The following MARCHF1 variants were observed in gnomAD, a reference collection of about 807,000 sequenced individuals.
MARCHF1 encodes membrane associated ring-CH-type finger 1, also known as E3 ubiquitin-protein ligase MARCHF1.
Under a neutral mutation model 54.2 loss-of-function variants are expected in MARCHF1, and 40 were observed. That is an observed-to-expected ratio of 0.74 (90% CI 0.57 to 0.96). The LOEUF is 0.96. Among genes scored for constraint, MARCHF1 ranks in the 40% least tolerant of loss-of-function variants. The probability of loss-of-function intolerance (pLI) is 0.00; values close to 1 mark genes in which losing one functional copy is unlikely to be tolerated. For missense variants in MARCHF1, 586 were observed against 656.5 expected (o/e 0.89, Z 1.17); for synonymous variants, 236 against 236.3 (o/e 1.00, Z 0.01).
In MARCHF1 at chr4:163,703,357, T is replaced by G. The variant is rs563803539; in HGVS notation, c.112-2494A>C. On this transcript the variant is annotated intron_variant, in intron 4 of 9. Transcript: ENST00000514618. Reference sequence around the variant, plus strand: ...GGGGGATTAAGAAAATTGGTTTGCCTTGCTTTTGAAGCAAAGCACCAGAAA... The same window carrying G: ...GGGGGATTAAGAAAATTGGTTTGCCGTGCTTTTGAAGCAAAGCACCAGAAA... Among the ~76,000 whole-genome samples, 277 of 152,280 alleles carry G rather than the reference T, an allele frequency of 1.8e-3. 2 individuals carry two copies. Among genetic ancestry groups the G allele is most frequent in the African/African-American group, 6.3e-3 (263 of 41,570 alleles).
At chr4:163,727,134 C>G (rs1259351292) in intron 4 of MARCHF1, among the ~76,000 whole-genome samples, 1 of 152,102 alleles carries the variant, frequency 6.6e-6, no homozygotes. Context: ...TCTAGAAAGT[C>G]ATCACCAAAC....
intron 5 of MARCHF1, among the ~76,000 whole-genome samples, chr4:163,636,855 G>A (rs1388857275): frequency 6.6e-6 from 1 of 152,126 alleles, no homozygotes; most frequent in East Asian, 1.9e-4. Context: ...ATACTACAAG[G>A]CTACAGTAAC....
chr4:163,941,718 A>G (rs192341499), intron 3 of MARCHF1, among the ~76,000 whole-genome samples: 1 of 152,138 alleles, frequency 6.6e-6, no homozygotes. Context: ...TAAGTACCCA[A>G]GTTTTCTCAT....
rs563920258 is a variant in MARCHF1, at chr4:163,730,189, T to A, written c.112-29326A>T. On this transcript the variant is annotated intron_variant, in intron 4 of 9. Coordinates refer to ENST00000514618, the MANE Select transcript of MARCHF1 (RefSeq NM_001394959.1). ...AACTGCCTTTGAATCTCTCTAGTAA[T>A]TTTTTCGTTTTAGTTATTGTACTTT... 7.2e-5 allele frequency among the ~76,000 whole-genome samples: 11 copies of A among 152,268 alleles called. No individual in the cohort carries two copies. In the South Asian group the frequency reaches 2.1e-3, roughly 29 times the overall value.
chr4:164,049,599 C>A (rs905725478), intron 2 of MARCHF1, among the ~76,000 whole-genome samples: 37 of 152,254 alleles, frequency 2.4e-4, no homozygotes, highest in African/African-American at 8.7e-4. Flanking sequence ...TTATGACACC[C>A]TGAAAACATA....
At chr4:164,140,171 G>T (rs1459516719) in intron 1 of MARCHF1, among the ~76,000 whole-genome samples, 1 of 148,430 alleles carries the variant, frequency 6.7e-6, no homozygotes, top group African/African-American at 2.5e-5. Context: ...ACACACTCAT[G>T]CACACACACA....
intron 1 of MARCHF1, among the ~76,000 whole-genome samples, chr4:164,147,092 A>G (rs924903719): frequency 5.9e-5 from 9 of 152,190 alleles, no homozygotes; most frequent in Admixed American, 4.6e-4. Flanking sequence ...ATCACTGGCC[A>G]TCAGAGAAAT....
intron 3 of MARCHF1, among the ~76,000 whole-genome samples, chr4:163,963,316 C>T (rs1384870596): frequency 1.3e-5 from 2 of 151,802 alleles, no homozygotes; most frequent in African/African-American, 2.4e-5. Flanking sequence ...TTTATAACCT[C>T]CAAAAAATTC....
intron 1 of MARCHF1, among the ~76,000 whole-genome samples, chr4:164,272,843 T>C (rs1469710798): frequency 6.6e-6 from 1 of 151,818 alleles, no homozygotes; most frequent in Non-Finnish European, 1.5e-5. Context: ...AAGTAGAAAA[T>C]GATAAATAAC....
chr4:163,701,827 G>A (rs2111232848), intron 4 of MARCHF1, among the ~76,000 whole-genome samples: 1 of 136,630 alleles, frequency 7.3e-6, no homozygotes, highest in Admixed American at 7.3e-5. Context: ...ACCAATGTAA[G>A]AATTCCTTTT....
At chr4:164,285,819 T>TA (rs78385104) in intron 1 of MARCHF1, among the ~76,000 whole-genome samples, 11,932 of 95,432 alleles carry the variant, frequency 0.13, 855 homozygotes, top group Admixed American at 0.22. Context: ...TGTAGTTCTT[T>TA]AAAAAAAAAA....
intron 4 of MARCHF1, among the ~76,000 whole-genome samples, chr4:163,701,941 C>T (rs951589377): frequency 1.3e-5 from 2 of 151,970 alleles, no homozygotes; most frequent in African/African-American, 4.8e-5. Flanking sequence ...GTTATAACAA[C>T]CCGTGGGGCT....
At chr4:164,164,993 T>A (rs1730333624) in intron 1 of MARCHF1, among the ~76,000 whole-genome samples, 1 of 151,958 alleles carries the variant, frequency 6.6e-6, no homozygotes, top group Non-Finnish European at 1.5e-5. Flanking sequence ...CAGCAAGAAT[T>A]GGATTCACCT....
chr4:163,936,744 T>C (rs946209656), intron 3 of MARCHF1, among the ~76,000 whole-genome samples: 2 of 152,208 alleles, frequency 1.3e-5, no homozygotes, highest in African/African-American at 2.4e-5. Context: ...TGAAACACCA[T>C]CTGCTAGAAT....
In MARCHF1 at chr4:164,296,350, T is replaced by C. The variant is rs546660140; in HGVS notation, c.-323+87520A>G. On this transcript the variant is annotated intron_variant, in intron 1 of 9. Transcript: ENST00000514618. ...CATTGACAATCAAAGAAGTTTTAAC[T>C]GTTAGAAGTGCTCAACTTATTTAAT... Among the ~76,000 whole-genome samples, 124 of 152,304 alleles carry C rather than the reference T, an allele frequency of 8.1e-4. 2 individuals carry two copies. In the South Asian group the frequency reaches 0.025, roughly 31 times the overall value.
At chr4:163,968,553 T>G (rs1369163992) in intron 3 of MARCHF1, among the ~76,000 whole-genome samples, 1 of 152,160 alleles carries the variant, frequency 6.6e-6, no homozygotes, top group Non-Finnish European at 1.5e-5. Context: ...CAAAGAGCAT[T>G]AATCAAAAAC....
chr4:164,135,211 C>A (rs566708722), intron 1 of MARCHF1, among the ~76,000 whole-genome samples: 1 of 152,166 alleles, frequency 6.6e-6, no homozygotes, highest in Non-Finnish European at 1.5e-5. Flanking sequence ...GGAAACACAA[C>A]CCACAGCAAT....
intron 4 of MARCHF1, among the ~76,000 whole-genome samples, chr4:163,757,613 G>T (rs191972407): frequency 3.4e-4 from 52 of 152,006 alleles, no homozygotes; most frequent in African/African-American, 1.3e-3. Flanking sequence ...ACATGGAAAA[G>T]AAAAATAGTT....
intron 3 of MARCHF1, among the ~76,000 whole-genome samples, chr4:163,940,671 A>T (rs1751894444): frequency 6.6e-6 from 1 of 152,134 alleles, no homozygotes; most frequent in South Asian, 2.1e-4. Flanking sequence ...AATTTTATAA[A>T]ATATTTGTGT....
Sources: allele counts gnomAD v4.1 joint callset (sites outside exome capture counted in the v4.1 genomes callset), GRCh38; gene constraint gnomAD v4.1.1; transcripts MANE v1.5; gene names NCBI Gene and HGNC (gene_info 2026-07-23, HGNC 2026-07-21).